Variants in DMGDH observed in about 807,000 individuals in gnomAD.
The protein encoded by DMGDH is dimethylglycine dehydrogenase, mitochondrial.
A neutral mutation model predicts 95.2 loss-of-function variants in DMGDH; 76 were observed. The observed-to-expected ratio is 0.80, with a 90% confidence interval of 0.66 to 0.97. The LOEUF (loss-of-function observed/expected upper bound fraction) is 0.97, where lower values mean the gene tolerates loss of function less well. Among genes scored for constraint, DMGDH ranks in the 50% least tolerant of loss-of-function variants. DMGDH has a pLI of 0.00. For missense variants in DMGDH, 987 were observed against 1,055.0 expected, an observed-to-expected ratio of 0.94 and a Z score of 0.89; for synonymous variants, 345 against 377.6, an observed-to-expected ratio of 0.91 and a Z score of 1.00.
chr5:79,038,348 G>A (rs1379629442), intron 7 of DMGDH, among the ~76,000 whole-genome samples: 3 of 152,132 alleles, frequency 2.0e-5, no homozygotes, highest in Non-Finnish European at 4.4e-5. Flanking sequence ...TCCAGGTATG[G>A]TGGAGCGTGC....
chr5:79,057,904 C>T lies in DMGDH; in HGVS notation c.277-1996G>A, dbSNP rs950925084. 1.2e-4 allele frequency among the ~76,000 whole-genome samples: 18 copies of T among 152,060 alleles called. 1 individual carries two copies. Among genetic ancestry groups the T allele is most frequent in the Admixed American group, 3.9e-4 (6 of 15,260 alleles). Reference sequence around the variant, plus strand: ...CTGTAAGCTTTATACCTGGGTTAAGCTAGACCACTGGAAAATTATCTATCT... The same window carrying T: ...CTGTAAGCTTTATACCTGGGTTAAGTTAGACCACTGGAAAATTATCTATCT... On this transcript the variant is annotated intron_variant, in intron 2 of 15. Transcript: ENST00000255189.
chr5:79,031,040 T>G, intron 9 of DMGDH, 42 bp from the exon 10 acceptor site: 3 of 1,610,812 alleles, frequency 1.9e-6, no homozygotes, highest in Admixed American at 1.7e-5. Flanking sequence ...CTCCCGTTCA[T>G]TTTTCAAAAA....
At chr5:79,042,174 C>G in intron 7 of DMGDH, 109 bp downstream of exon 7, 2 of 1,047,410 alleles carry the variant, frequency 1.9e-6, no homozygotes, top group South Asian at 1.4e-5. Flanking sequence ...TTCTCTTTCT[C>G]TCTCTCTCAG....
chr5:79,059,793 A>T (rs1023452724), intron 2 of DMGDH, among the ~76,000 whole-genome samples: 1 of 152,182 alleles, frequency 6.6e-6, no homozygotes, highest in Non-Finnish European at 1.5e-5. Context: ...CTATTTTTTT[A>T]AATATATAAT....
At chr5:79,010,724 T>C (rs1348219330) in intron 14 of DMGDH, among the ~76,000 whole-genome samples, 3 of 152,188 alleles carry the variant, frequency 2.0e-5, no homozygotes, top group African/African-American at 7.2e-5. Context: ...TACACCCTCA[T>C]AGAAAGTTCT....
intron 1 of DMGDH, among the ~76,000 whole-genome samples, chr5:79,066,266 G>A (rs6878926): frequency 0.089 from 13,520 of 151,712 alleles, 1,194 homozygotes; most frequent in African/African-American, 0.22. Context: ...TCACATTTTC[G>A]AAGAGTACTA....
At chr5:79,037,482 T>C (rs866869664) in intron 7 of DMGDH, among the ~76,000 whole-genome samples, 6 of 152,134 alleles carry the variant, frequency 3.9e-5, no homozygotes, top group Non-Finnish European at 7.4e-5. Context: ...ACCTCAACTT[T>C]AGGTAACGGG....
chr5:79,021,660 G>A, intron 14 of DMGDH: 1 of 1,313,442 alleles, frequency 7.6e-7, no homozygotes, highest in Non-Finnish European at 1.0e-6. Flanking sequence ...TCCTTAAAAT[G>A]GGCAAAGCAG....
rs1047821583 is a variant in DMGDH, at chr5:79,024,347, C to T, written c.2191-17G>A. On this transcript the variant is annotated splice_polypyrimidine_tract_variant and intron_variant, in intron 13 of 15. Coordinates refer to ENST00000255189, the MANE Select transcript of DMGDH (RefSeq NM_013391.3). ...ACAGTTCATCTAAAAAGGAAACACA[C>T]ATTTTAAATCTTAGATGAGTGCAAG... The T allele has an allele frequency of 1.9e-6, 3 of 1,610,842 alleles. No individual in the cohort carries two copies. Among genetic ancestry groups the T allele is most frequent in the Non-Finnish European group, 2.5e-6 (3 of 1,177,234 alleles).
chr5:79,000,609 A>G (rs1753436942), intron 15 of DMGDH: 3 of 615,434 alleles, frequency 4.9e-6, no homozygotes, highest in Non-Finnish European at 9.5e-6. Context: ...AAATGAGATC[A>G]TCTTCACATT....
At position 78,997,964 on chromosome 5, in the gene DMGDH, G is replaced by A. The variant is rs114988579; in HGVS notation, c.*118C>T. The A allele has an allele frequency of 6.1e-5, 65 of 1,068,172 alleles. No individual in the cohort carries two copies. Among genetic ancestry groups the A allele is most frequent in the Middle Eastern group, 2.1e-4 (1 of 4,852 alleles). 66.2% of individuals were successfully genotyped at this position (1,068,172 alleles called of 1,614,324 possible). ...AGGTTTCATTAAGATTCTAAATTTA[G>A]ACTTTGATGATTTTGAAATGAATTC... On this transcript the variant is annotated 3_prime_UTR_variant, in exon 16 of 16. Coordinates refer to ENST00000255189, the MANE Select transcript of DMGDH (RefSeq NM_013391.3).
chr5:79,030,476 C>T (rs1289316588), intron 10 of DMGDH: 1 of 267,808 alleles, frequency 3.7e-6, no homozygotes, highest in African/African-American at 2.3e-5. Context: ...GAAACCCTGT[C>T]TCTGCTAAAG....
At position 79,026,549 on chromosome 5, in the gene DMGDH, C is replaced by G. The variant is rs1403171766; in HGVS notation, c.2065G>C (p.Glu689Gln). 2.5e-6 allele frequency: 4 copies of G among 1,614,162 alleles called. No individual in the cohort carries two copies. The Admixed American group carries it at 6.7e-5, about 27-fold the overall frequency. The change falls in exon 13 of 16, where the codon GAA becomes CAA. Residue 689 changes from glutamate (E) to glutamine (Q), a missense_variant. Transcript: ENST00000255189. Reference protein sequence around the residue: ...ELGWELYHRREDSVALYDAIM... With the variant: ...ELGWELYHRRQDSVALYDAIM... ...GCGTCATACAGCGCCACAGAATCTT[C>G]TCTTCTGTGATACAGCTCCCAACCC...
intron 13 of DMGDH, among the ~76,000 whole-genome samples, chr5:79,024,746 T>C (rs1001658312): frequency 6.6e-6 from 1 of 152,222 alleles, no homozygotes; most frequent in African/African-American, 2.4e-5. Context: ...GGAAAGCAGA[T>C]AGTAGGAAGG....
intron 5 of DMGDH, among the ~76,000 whole-genome samples, chr5:79,049,167 G>C (rs1212901851): frequency 6.6e-5 from 10 of 152,282 alleles, no homozygotes; most frequent in African/African-American, 2.4e-4. Context: ...CACAGCTGCA[G>C]AGAAAGCTTC....
rs144080642 is a variant in DMGDH at position 79,006,990 on chromosome 5, T to A, written c.2251-1583A>T. On this transcript the variant is annotated intron_variant, in intron 14 of 15. Transcript: ENST00000255189. ...TCCATTAGCCGAGGTTAAAATAATGTGCAAAATGAACATCCAATTCTTTCT... is the reference window on the plus strand; with the variant it reads ...TCCATTAGCCGAGGTTAAAATAATGAGCAAAATGAACATCCAATTCTTTCT... Among the ~76,000 whole-genome samples the A allele has an allele frequency of 6.0e-3, 912 of 152,308 alleles. 9 individuals are homozygous for A. Among genetic ancestry groups the A allele is most frequent in the Non-Finnish European group, 7.4e-3 (506 of 68,024 alleles).
chr5:79,039,331 G>C (rs1170440645), intron 7 of DMGDH, among the ~76,000 whole-genome samples: 1 of 152,050 alleles, frequency 6.6e-6, no homozygotes, highest in African/African-American at 2.4e-5. Flanking sequence ...ATGATAGACT[G>C]GATTAAGAAA....
intron 14 of DMGDH, among the ~76,000 whole-genome samples, chr5:79,011,954 C>T (rs2065884549): frequency 6.6e-6 from 1 of 152,096 alleles, no homozygotes; most frequent in Non-Finnish European, 1.5e-5. Context: ...CATATGATTA[C>T]ACCTCTGACC....
At chr5:79,007,280 T>TA (rs1753566950) in intron 14 of DMGDH, among the ~76,000 whole-genome samples, 1 of 152,226 alleles carries the variant, frequency 6.6e-6, no homozygotes, top group East Asian at 1.9e-4. Flanking sequence ...GGAGGTCCAC[T>TA]TACATGTGGA....
Sources: gnomAD v4.1 joint callset for allele counts (sites outside exome capture counted in the v4.1 genomes callset) on GRCh38, gnomAD v4.1.1 for gene constraint, MANE v1.5 for transcripts, NCBI Gene and HGNC (gene_info 2026-07-23, HGNC 2026-07-21) for gene names.